The following USP48 variants were observed in gnomAD, a reference collection of about 807,000 sequenced individuals.
The protein encoded by USP48 is ubiquitin specific peptidase 48.
In USP48, 43 loss-of-function variants were observed where a neutral mutation model predicts 150.7. The ratio of observed to expected loss-of-function variants is 0.29; its 90% CI spans 0.22 to 0.37. The LOEUF (loss-of-function observed/expected upper bound fraction) is 0.37. Ranked by LOEUF, USP48 falls within the 10% of genes least tolerant of loss-of-function variation. The probability of loss-of-function intolerance (pLI) is 1.00; values close to 1 mark genes in which losing one functional copy is unlikely to be tolerated. For missense variants in USP48, 813 were observed against 1,249.6 expected (o/e 0.65, Z 5.27); for synonymous variants, 396 against 425.9 (o/e 0.93, Z 0.86).
intron 1 of USP48, among the ~76,000 whole-genome samples, chr1:21,775,910 A>T (rs913312667): frequency 2.0e-5 from 3 of 152,208 alleles, no homozygotes; most frequent in African/African-American, 4.8e-5. Flanking sequence ...ACATCAAAAG[A>T]TTAACTGTAA....
chr1:21,711,271 A>C (rs2097689402), intron 15 of USP48, among the ~76,000 whole-genome samples: 1 of 152,164 alleles, frequency 6.6e-6, no homozygotes, highest in South Asian at 2.1e-4. Flanking sequence ...CCACAGACCC[A>C]AAAACTGGGT....
intron 8 of USP48, among the ~76,000 whole-genome samples, chr1:21,739,611 GA>G (rs1279168907): frequency 6.7e-6 from 1 of 148,848 alleles, no homozygotes; most frequent in Non-Finnish European, 1.5e-5. Context: ...ATCATGGAAT[GA>G]TTAAATCAAG....
chr1:21,738,246 C>T (rs529171951), intron 8 of USP48, among the ~76,000 whole-genome samples: 23 of 151,700 alleles, frequency 1.5e-4, no homozygotes, highest in Admixed American at 1.3e-3. Context: ...TTAGTAGAGA[C>T]GGGGTTTCAC....
chr1:21,719,206 G>C (rs560974647), intron 14 of USP48, among the ~76,000 whole-genome samples: 10 of 149,800 alleles, frequency 6.7e-5, no homozygotes, highest in African/African-American at 2.2e-4. Flanking sequence ...GACGGGGGGC[G>C]GGGGGGCAGA....
rs1280760865 is a variant in USP48, at chr1:21,782,816, G to A, written c.134+8C>T. 2.0e-6 allele frequency: 3 copies of A among 1,536,922 alleles called. No individual in the cohort carries two copies. Among genetic ancestry groups the A allele is most frequent in the Non-Finnish European group, 8.7e-7 (1 of 1,143,290 alleles). The stretch of plus-strand genomic sequence containing the variant: ...AGGAGCCCGCGAGGCGCGGTGCGCG[G>A]GCCTCACCTGCACACGCCGCGAATG... On this transcript the variant is annotated splice_region_variant and intron_variant, in intron 1 of 26. Transcript: ENST00000308271.
intron 8 of USP48, among the ~76,000 whole-genome samples, chr1:21,739,266 C>T (rs374180418): frequency 7.9e-4 from 120 of 151,996 alleles, no homozygotes; most frequent in Admixed American, 1.3e-3. Context: ...ACACCTAAAT[C>T]CCAGCACTTT....
At chr1:21,747,345 G>T (rs761539098) in intron 7 of USP48, among the ~76,000 whole-genome samples, 196 bp from the exon 8 acceptor site, 2 of 152,202 alleles carry the variant, frequency 1.3e-5, no homozygotes, top group Non-Finnish European at 2.9e-5. Context: ...ATGTGAATGC[G>T]AAGTGCTGAT....
intron 14 of USP48, among the ~76,000 whole-genome samples, chr1:21,717,405 AAAAAC>A (rs1291260014): frequency 6.6e-6 from 1 of 151,012 alleles, no homozygotes; most frequent in Admixed American, 6.7e-5. Flanking sequence ...TCCTGTCTAA[AAAAAC>A]AAAACAAAAC....
chr1:21,679,238 G>T lies in USP48; in HGVS notation c.*179C>A. 1.9e-6 allele frequency: 1 copy of T among 531,832 alleles called. No homozygotes were observed. Among genetic ancestry groups the T allele is most frequent in the Non-Finnish European group, 3.4e-6 (1 of 298,142 alleles). 32.9% of individuals were successfully genotyped at this position (531,832 alleles called of 1,614,324 possible). A position where few individuals can be genotyped will look rare whatever the true frequency, so the allele number is the denominator to read the frequency against. The stretch of plus-strand genomic sequence containing the variant: ...TTTCCTTCAAGTCTGATGTCCATCA[G>T]TGCAATCTGCTTTATTTGACATAAG... On this transcript the variant is annotated 3_prime_UTR_variant, in exon 27 of 27. Coordinates refer to ENST00000308271, the MANE Select transcript of USP48 (RefSeq NM_032236.8).
chr1:21,781,077 T>A (rs956920502), intron 1 of USP48, among the ~76,000 whole-genome samples: 3 of 150,826 alleles, frequency 2.0e-5, no homozygotes, highest in African/African-American at 7.3e-5. Flanking sequence ...TTTAAAAATT[T>A]ATTTTTTTAA....
chr1:21,731,894 T>C (rs539332247), intron 9 of USP48, among the ~76,000 whole-genome samples: 20 of 151,820 alleles, frequency 1.3e-4, no homozygotes, highest in African/African-American at 4.6e-4. Context: ...AGGAATGAAA[T>C]GCTAACAACC....
At chr1:21,721,553 T>C (rs1571855872) in intron 13 of USP48, 97 bp downstream of exon 13, 1 of 870,942 alleles carries the variant, frequency 1.1e-6, no homozygotes, top group East Asian at 2.9e-5. Flanking sequence ...CTTCTAAAAA[T>C]CCCAACTTCC....
rs2097592946 is a variant in USP48, at chr1:21,690,054, T to C, written c.2929A>G (p.Ile977Val). 3 of 1,614,016 alleles carry C rather than the reference T, an allele frequency of 1.9e-6. No individual in the cohort carries two copies. The highest frequency in any genetic ancestry group is 2.5e-6 in the Non-Finnish European group (3 of 1,180,026). ...SVAPFDQNLSIDGKILSDDCA... is the reference protein window; with the variant it reads ...SVAPFDQNLSVDGKILSDDCA... ...TCATCACTTAAAATCTTTCCATCAA[T>C]TGACAAATTCTGGTCAAAAGGAGCA... The change falls in exon 24 of 27, where the codon ATT (isoleucine) becomes GTT (valine). Residue 977 changes from isoleucine to valine, a missense_variant. Physicochemically the swap from Ile to Val is conservative, Grantham distance 29. Transcript: ENST00000308271.
At chr1:21,716,041 G>A (rs1049295183) in intron 14 of USP48, among the ~76,000 whole-genome samples, 1 of 152,128 alleles carries the variant, frequency 6.6e-6, no homozygotes. Flanking sequence ...AACTCACACT[G>A]TGGCCATAAC....
chr1:21,727,358 A>T (rs1381481984), intron 11 of USP48, among the ~76,000 whole-genome samples: 1 of 152,266 alleles, frequency 6.6e-6, no homozygotes, highest in African/African-American at 2.4e-5. Context: ...AAATACTCTA[A>T]GAACATAAGC....
intron 23 of USP48, among the ~76,000 whole-genome samples, chr1:21,693,529 C>A (rs941800893): frequency 1.6e-4 from 25 of 152,188 alleles, no homozygotes; most frequent in African/African-American, 6.0e-4. Flanking sequence ...GAACAGCTGC[C>A]ATCTTCTAGC....
chr1:21,763,996 AT>A (rs1284709815), intron 1 of USP48, among the ~76,000 whole-genome samples: 5 of 152,192 alleles, frequency 3.3e-5, no homozygotes, highest in Non-Finnish European at 7.4e-5. Context: ...CCCTAACTCC[AT>A]TTTATCCCTC....
intron 17 of USP48, 113 bp from the exon 18 acceptor site, chr1:21,706,300 C>T (rs1360903517): frequency 1.3e-6 from 2 of 1,493,940 alleles, no homozygotes; most frequent in African/African-American, 2.8e-5. Flanking sequence ...AAAATGAAAA[C>T]ACAGTCCTCT....
chr1:21,728,084 G>C, intron 11 of USP48: 1 of 985,670 alleles, frequency 1.0e-6, no homozygotes, highest in Non-Finnish European at 1.2e-6. Context: ...TAAGAAATCA[G>C]GGGTCAGCAG....
Sources: gnomAD v4.1 joint callset for allele counts (sites outside exome capture counted in the v4.1 genomes callset) on GRCh38, gnomAD v4.1.1 for gene constraint, MANE v1.5 for transcripts, NCBI Gene and HGNC (gene_info 2026-07-23, HGNC 2026-07-21) for gene names.